The following WASF3 variants were observed in gnomAD, a reference collection of about 807,000 sequenced individuals.
The protein encoded by WASF3 is actin-binding protein WASF3.
In WASF3, 11 loss-of-function variants were observed where a neutral mutation model predicts 46.6. The observed-to-expected ratio is 0.24, with a 90% CI of 0.15 to 0.39. WASF3 has a LOEUF of 0.39. WASF3 is among the 10% of genes least tolerant of loss of function. The pLI is 1.00. For missense variants in WASF3, 576 were observed against 669.8 expected (o/e 0.86, Z 1.55); for synonymous variants, 242 against 259.7 (o/e 0.93, Z 0.65).
chr13:26,630,689 T>C (rs1392279819), intron 2 of WASF3, among the ~76,000 whole-genome samples: 2 of 152,168 alleles, frequency 1.3e-5, no homozygotes, highest in African/African-American at 4.8e-5. Context: ...ATGGGATCGC[T>C]GGGTCAAATG....
At chr13:26,605,301 T>C (rs1439864576) in intron 1 of WASF3, among the ~76,000 whole-genome samples, 1 of 152,210 alleles carries the variant, frequency 6.6e-6, no homozygotes, top group East Asian at 1.9e-4. Context: ...GAGAAAGTTA[T>C]TATTATTTTA....
chr13:26,599,153 C>T (rs1382825264), intron 1 of WASF3, among the ~76,000 whole-genome samples: 3 of 149,462 alleles, frequency 2.0e-5, no homozygotes, highest in Non-Finnish European at 3.0e-5. Flanking sequence ...TCAGCCGCTG[C>T]GCCTGGCCTG....
chr13:26,655,146 A>G (rs1482871510), intron 3 of WASF3, among the ~76,000 whole-genome samples: 3 of 152,220 alleles, frequency 2.0e-5, no homozygotes, highest in African/African-American at 7.2e-5. Context: ...ATGCATATAT[A>G]TTAAAAATGA....
At chr13:26,672,948 C>G (rs1167378492) in intron 6 of WASF3, among the ~76,000 whole-genome samples, 1 of 152,130 alleles carries the variant, frequency 6.6e-6, no homozygotes, top group Non-Finnish European at 1.5e-5. Context: ...AGGACTTGGT[C>G]ACACACAGTC....
In WASF3 at chr13:26,665,150, A is replaced by G. The variant is rs552130698; in HGVS notation, c.256A>G (p.Thr86Ala). The G allele has an allele frequency of 5.2e-5, 84 of 1,613,930 alleles. No individual in the cohort carries two copies. The highest frequency in any genetic ancestry group is 2.0e-4 in the East Asian group (9 of 44,886). ...LAVKVTQLDSTVEEVSLQDIN... is the reference protein window; with the variant it reads ...LAVKVTQLDSAVEEVSLQDIN... ...TGTCAAAGTCACCCAGCTGGATTCA[A>G]CAGTGGAAGAGGGTAGGTAATTGCC... Residue 86 changes from threonine to alanine, a missense_variant, in exon 4 of 10, where the codon ACA becomes GCA. Physicochemically the swap from Thr to Ala is moderately conservative, Grantham distance 58 (BLOSUM62 0). Around this residue, in one of 3 missense-constraint regions of WASF3, gnomAD observed 213 missense variants for 278.0 expected, o/e 0.77. Transcript: ENST00000335327.
intron 1 of WASF3, among the ~76,000 whole-genome samples, chr13:26,580,520 T>G (rs1593377689): frequency 6.6e-6 from 1 of 152,206 alleles, no homozygotes; most frequent in Admixed American, 6.5e-5. Flanking sequence ...GTATTGGATT[T>G]CATATGTTAT....
chr13:26,543,621 C>T, the WASF3 span, among the ~76,000 whole-genome samples: 1 of 152,116 alleles, frequency 6.6e-6, no homozygotes, highest in East Asian at 1.9e-4. Context: ...AACAGCATAG[C>T]TTTCTGGTGC....
chr13:26,617,640 G>C (rs1881174781), intron 2 of WASF3, among the ~76,000 whole-genome samples: 1 of 152,062 alleles, frequency 6.6e-6, no homozygotes, highest in African/African-American at 2.4e-5. Context: ...CTATACAATG[G>C]AAATATTAAT....
intron 1 of WASF3, among the ~76,000 whole-genome samples, chr13:26,583,018 G>A (rs554418851): frequency 1.4e-4 from 21 of 152,272 alleles, no homozygotes; most frequent in African/African-American, 5.1e-4. Context: ...TTAAAATGGG[G>A]GCAGAAAGAA....
At chr13:26,558,691 A>T (rs913567628) in intron 1 of WASF3, among the ~76,000 whole-genome samples, 1 of 152,220 alleles carries the variant, frequency 6.6e-6, no homozygotes, top group East Asian at 1.9e-4. Flanking sequence ...CAATGGGAGC[A>T]TCATAGGAAT....
chr13:26,654,435 G>A (rs9512304), intron 3 of WASF3, among the ~76,000 whole-genome samples: 43,878 of 151,952 alleles, frequency 0.29, 6,593 homozygotes, highest in South Asian at 0.4. Context: ...TTTCCCCATA[G>A]CACTTATTTT....
intron 1 of WASF3, chr13:26,609,549 G>A (rs1243838154): frequency 6.9e-6 from 1 of 144,526 alleles, no homozygotes; most frequent in Non-Finnish European, 1.5e-5. Flanking sequence ...TCTCTAAATT[G>A]TGACTTCCAG....
chr13:26,601,261 A>G (rs1034750751), intron 1 of WASF3, among the ~76,000 whole-genome samples: 2 of 152,230 alleles, frequency 1.3e-5, no homozygotes, highest in Non-Finnish European at 2.9e-5. Flanking sequence ...AGGGGAGAAG[A>G]TAATACTGTA....
chr13:26,629,736 T>A (rs2137258472), intron 2 of WASF3, among the ~76,000 whole-genome samples: 1 of 152,294 alleles, frequency 6.6e-6, no homozygotes, highest in African/African-American at 2.4e-5. Flanking sequence ...TGTGGTTCAA[T>A]CTTGAATGTC....
rs1189068131 is a variant in WASF3 at position 26,686,888 on chromosome 13, T to C, written c.*1043T>C. 2.6e-5 allele frequency: 4 copies of C among 152,284 alleles called. No homozygotes were observed. Among genetic ancestry groups the C allele is most frequent in the Non-Finnish European group, 5.9e-5 (4 of 68,062 alleles). 9.4% of individuals were successfully genotyped at this position (152,284 alleles called of 1,614,324 possible). On this transcript the variant is annotated 3_prime_UTR_variant, in exon 10 of 10. Transcript: ENST00000335327. ...GCTTAGGTTTAGGTGAAAGTAGATA[T>C]TGACAGCTATTCACCTTTCACGGTG...
In WASF3 at chr13:26,632,225, A is replaced by G. The variant is rs192674929; in HGVS notation, c.-10-10036A>G. Among the ~76,000 whole-genome samples, 871 of 152,320 alleles carry G rather than the reference A, an allele frequency of 5.7e-3. 7 individuals are homozygous for G. Among genetic ancestry groups the G allele is most frequent in the Non-Finnish European group, 9.0e-3 (614 of 68,018 alleles). Reference sequence around the variant, plus strand: ...AATACTATGTTGAATAAGCATGGTGAGAGAGGGCATCCTTGTCTTGTGCCG... The same window carrying G: ...AATACTATGTTGAATAAGCATGGTGGGAGAGGGCATCCTTGTCTTGTGCCG... On this transcript the variant is annotated intron_variant, in intron 2 of 9. Transcript: ENST00000335327.
chr13:26,639,744 T>C (rs1320909298), intron 2 of WASF3: 2 of 152,274 alleles, frequency 1.3e-5, no homozygotes, highest in Non-Finnish European at 2.9e-5. Context: ...ATAGAAAAGA[T>C]AGCTTGTTAC....
intron 1 of WASF3, among the ~76,000 whole-genome samples, chr13:26,575,595 C>T (rs1879773583): frequency 6.6e-6 from 1 of 152,144 alleles, no homozygotes. Flanking sequence ...GGATTAGAAC[C>T]CTCAGGAAAG....
intron 1 of WASF3, among the ~76,000 whole-genome samples, chr13:26,596,668 G>C (rs1471243812): frequency 2.0e-5 from 3 of 152,034 alleles, no homozygotes; most frequent in Non-Finnish European, 4.4e-5. Context: ...CGATCTGTGG[G>C]TTGATGTCCT....
Sources: gnomAD v4.1 joint callset for allele counts (sites outside exome capture counted in the v4.1 genomes callset) on GRCh38, gnomAD v4.1.1 for gene constraint, gnomAD v4.1.1 regional missense constraint, MANE v1.5 for transcripts, NCBI Gene and HGNC (gene_info 2026-07-23, HGNC 2026-07-21) for gene names.